The following RAB4A variants were observed in gnomAD, a reference collection of about 807,000 sequenced individuals.
RAB4A encodes the protein ras-related protein Rab-4A.
In RAB4A, 20 loss-of-function variants were observed where a neutral mutation model predicts 34.5. That is an observed-to-expected ratio of 0.58 (90% CI 0.41 to 0.84). The LOEUF (loss-of-function observed/expected upper bound fraction) is 0.84. RAB4A is among the 40% of genes least tolerant of loss of function. The pLI is 0.00. For missense variants in RAB4A, 228 were observed against 274.5 expected, an observed-to-expected ratio of 0.83 and a Z score of 1.20; for synonymous variants, 102 against 100.0, an observed-to-expected ratio of 1.02 and a Z score of -0.12.
Position 229,302,286 on chromosome 1 carries a change from TATATATATATATATATATATATA to T in RAB4A, c.542-575_542-553del, listed in dbSNP as rs1305390651. Among the ~76,000 whole-genome samples the T allele has an allele frequency of 6.3e-3, 142 of 22,514 alleles. 10 individuals carry two copies. Among genetic ancestry groups the T allele is most frequent in the African/African-American group, 0.025 (128 of 5,050 alleles). 14.8% of individuals were successfully genotyped at this position (22,514 alleles called of 152,430 possible). On this transcript the variant is annotated intron_variant, in intron 6 of 7. Coordinates refer to ENST00000366690, the MANE Select transcript of RAB4A (RefSeq NM_004578.4). ...ATATATATATATATATATATATATA[TATATATATATATATATATATATA>T]TTTTTTTTTTTTTTTTACATGTGCA... is the stretch of plus-strand genomic sequence containing the variant.
intron 2 of RAB4A, among the ~76,000 whole-genome samples, chr1:229,287,247 G>A (rs561179471): frequency 6.6e-6 from 1 of 152,300 alleles, no homozygotes; most frequent in South Asian, 2.1e-4. Flanking sequence ...TATATGTGAG[G>A]CATGGTAGGT....
chr1:229,293,175 A>G (rs1265106550), intron 3 of RAB4A, among the ~76,000 whole-genome samples: 1 of 152,180 alleles, frequency 6.6e-6, no homozygotes, highest in Non-Finnish European at 1.5e-5. Context: ...AGGTATGGGG[A>G]TGGGCCACCT....
At chr1:229,279,895 C>G (rs1375364431) in intron 1 of RAB4A, among the ~76,000 whole-genome samples, 1 of 152,158 alleles carries the variant, frequency 6.6e-6, no homozygotes, top group Non-Finnish European at 1.5e-5. Flanking sequence ...TTAACGTTCA[C>G]TATAATAAAC....
chr1:229,296,782 C>G (rs1481087152), intron 4 of RAB4A, among the ~76,000 whole-genome samples: 1 of 152,218 alleles, frequency 6.6e-6, no homozygotes, highest in African/African-American at 2.4e-5. Flanking sequence ...GTTTCTGGCC[C>G]AGCCCTTCCT....
chr1:229,304,281 T>C lies in RAB4A; in HGVS notation c.*488T>C, dbSNP rs1435020490. The C allele has an allele frequency of 6.6e-6, 1 of 152,166 alleles. No individual in the cohort carries two copies. The highest frequency in any genetic ancestry group is 1.5e-5 in the Non-Finnish European group (1 of 68,036). 9.4% of individuals were successfully genotyped at this position (152,166 alleles called of 1,614,324 possible). ...CAAAGACTCTGGCATTGATAGCCAG[T>C]GTGTTTTCTTATTTAACTCCGTTTA... On this transcript the variant is annotated 3_prime_UTR_variant, in exon 8 of 8. Coordinates refer to ENST00000366690, the MANE Select transcript of RAB4A (RefSeq NM_004578.4).
intron 3 of RAB4A, chr1:229,289,124 CAGT>C: frequency 3.8e-6 from 1 of 263,152 alleles, no homozygotes; most frequent in Non-Finnish European, 7.1e-6. Context: ...GTGTATTGTA[CAGT>C]ATGTTTCTAG....
In RAB4A at chr1:229,271,189, C is replaced by A; in HGVS notation, c.-151C>A. The A allele has an allele frequency of 2.7e-6, 2 of 748,926 alleles. No individual in the cohort carries two copies. Among genetic ancestry groups the A allele is most frequent in the Non-Finnish European group, 3.6e-6 (2 of 552,818 alleles). 46.4% of individuals were successfully genotyped at this position (748,926 alleles called of 1,614,324 possible). On this transcript the variant is annotated 5_prime_UTR_variant, in exon 1 of 8. Transcript: ENST00000366690. ...GCGGAGCTGGAGTCCGGCTGGGCCG[C>A]AGCCGCTGGGAGACCGGCGGTTGCC... is the stretch of plus-strand genomic sequence containing the variant.
intron 3 of RAB4A, 122 bp from the exon 4 acceptor site, chr1:229,295,726 T>TA: frequency 1.2e-6 from 1 of 855,118 alleles, no homozygotes; most frequent in South Asian, 1.6e-5. Context: ...ATTTCTCTTT[T>TA]AAACCAGTGT....
chr1:229,294,896 T>G (rs1294879077), intron 3 of RAB4A, among the ~76,000 whole-genome samples: 1 of 152,020 alleles, frequency 6.6e-6, no homozygotes, highest in Non-Finnish European at 1.5e-5. Context: ...GTGCAGCATA[T>G]TTCTGTTTTG....
chr1:229,292,778 G>T (rs1052445206), intron 3 of RAB4A, among the ~76,000 whole-genome samples: 1 of 152,108 alleles, frequency 6.6e-6, no homozygotes, highest in Non-Finnish European at 1.5e-5. Context: ...TCATTCCTCT[G>T]GTGTCTTTTT....
chr1:229,292,835 G>A (rs1171335070), intron 3 of RAB4A, among the ~76,000 whole-genome samples: 7 of 151,640 alleles, frequency 4.6e-5, no homozygotes, highest in African/African-American at 1.5e-4. Flanking sequence ...CCAGCCAGTC[G>A]GATTCTCTGA....
chr1:229,285,938 G>A (rs969407591), intron 1 of RAB4A, among the ~76,000 whole-genome samples: 1 of 152,174 alleles, frequency 6.6e-6, no homozygotes, highest in African/African-American at 2.4e-5. Flanking sequence ...GACAAATTTC[G>A]CACTTGAAGT....
intron 1 of RAB4A, among the ~76,000 whole-genome samples, chr1:229,279,315 A>G (rs10916459): frequency 0.39 from 59,718 of 152,050 alleles, 12,026 homozygotes; most frequent in Admixed American, 0.45. Context: ...TCTGCTGAAT[A>G]TGGCTTAATT....
At chr1:229,293,264 C>T (rs962382577) in intron 3 of RAB4A, among the ~76,000 whole-genome samples, 1 of 152,106 alleles carries the variant, frequency 6.6e-6, no homozygotes, top group Non-Finnish European at 1.5e-5. Flanking sequence ...GGTTTTATTA[C>T]AAAGGCACGA....
intron 2 of RAB4A, among the ~76,000 whole-genome samples, chr1:229,288,070 C>T (rs919931191): frequency 2.6e-5 from 4 of 152,146 alleles, no homozygotes; most frequent in South Asian, 2.1e-4. Flanking sequence ...TAGAACACTA[C>T]GATTAATGAA....
chr1:229,281,397 C>T (rs145798647), intron 1 of RAB4A, among the ~76,000 whole-genome samples: 1 of 152,142 alleles, frequency 6.6e-6, no homozygotes, highest in East Asian at 1.9e-4. Context: ...CCCTTTCTGT[C>T]TCTGGTTATT....
Position 229,302,301 on chromosome 1 carries a change from ATATATATATTTTTT to A in RAB4A, c.542-559_542-546del, listed in dbSNP as rs1156320065. Among the ~76,000 whole-genome samples the A allele has an allele frequency of 1.5e-3, 60 of 40,538 alleles. 2 individuals carry two copies. The highest frequency in any genetic ancestry group is 4.1e-3 in the African/African-American group (47 of 11,494). 26.6% of individuals were successfully genotyped at this position (40,538 alleles called of 152,430 possible). ...TATATATATATATATATATATATAT[ATATATATATTTTTT>A]TTTTTTTTTTACATGTGCATGAGTC... On this transcript the variant is annotated intron_variant, in intron 6 of 7. Transcript: ENST00000366690.
intron 2 of RAB4A, among the ~76,000 whole-genome samples, chr1:229,286,917 C>T (rs545355775): frequency 6.6e-6 from 1 of 152,238 alleles, no homozygotes; most frequent in East Asian, 1.9e-4. Flanking sequence ...AACATTTGGT[C>T]CTCATAGTGG....
chr1:229,292,712 T>TTTTG (rs746587908), intron 3 of RAB4A, among the ~76,000 whole-genome samples: 5 of 152,184 alleles, frequency 3.3e-5, no homozygotes, highest in South Asian at 4.1e-4. Flanking sequence ...TAATTAGTAA[T>TTTTG]TTTGTTTGTT....
Sources: allele counts gnomAD v4.1 joint callset (sites outside exome capture counted in the v4.1 genomes callset), GRCh38; gene constraint gnomAD v4.1.1; transcripts MANE v1.5; gene names NCBI Gene and HGNC (gene_info 2026-07-23, HGNC 2026-07-21).